ANO2: variants seen among roughly 807,000 people sequenced by gnomAD.
The protein encoded by ANO2 is anoctamin 2.
A neutral mutation model predicts 124.2 loss-of-function variants in ANO2; 101 were observed. That is an observed-to-expected ratio of 0.81 (90% CI 0.69 to 0.96). The LOEUF (loss-of-function observed/expected upper bound fraction) is 0.96. ANO2 is among the 40% of genes least tolerant of loss of function. The pLI, the probability that ANO2 is intolerant of heterozygous loss-of-function variation, is 0.00. For missense variants in ANO2, 1,293 were observed against 1,274.5 expected (o/e 1.01, Z -0.22); for synonymous variants, 486 against 482.5 (o/e 1.01, Z -0.09).
chr12:5,700,425 G>C (rs1256809955), intron 14 of ANO2, among the ~76,000 whole-genome samples: 1 of 152,122 alleles, frequency 6.6e-6, no homozygotes, highest in Non-Finnish European at 1.5e-5. Context: ...AGAATCTCTG[G>C]GAGACATTTA....
chr12:5,635,352 T>C lies in ANO2; in HGVS notation c.1621-5A>G. 6.4e-7 allele frequency: 1 copy of C among 1,552,212 alleles called. No homozygotes were observed. The highest frequency in any genetic ancestry group is 8.7e-7 in the Non-Finnish European group (1 of 1,153,492). On this transcript the variant is annotated splice_region_variant and splice_polypyrimidine_tract_variant and intron_variant, in intron 15 of 24. Coordinates refer to ENST00000682330, the MANE Select transcript of ANO2 (RefSeq NM_001364791.2). This position sits in a 1 kb window ranked among gnomAD's most constrained non-coding sequence, Gnocchi z 5.2. The stretch of plus-strand genomic sequence containing the variant: ...GATTGAGAATGTCAGGGCAATCTGT[T>C]TGGGAAAACAGAGAGAAGTACACAT...
intron 7 of ANO2, among the ~76,000 whole-genome samples, chr12:5,826,216 A>G (rs1953949595): frequency 6.6e-6 from 1 of 152,104 alleles, no homozygotes; most frequent in African/African-American, 2.4e-5. Flanking sequence ...GTATTACGTT[A>G]GGTGTAATTA....
chr12:5,619,072 C>T (rs1359276266), intron 16 of ANO2, among the ~76,000 whole-genome samples: 2 of 152,214 alleles, frequency 1.3e-5, no homozygotes, highest in Admixed American at 6.5e-5. Flanking sequence ...CACTGCACAA[C>T]TGCATGTGTA....
chr12:5,769,012 C>T lies in ANO2; in HGVS notation c.1056-18042G>A, dbSNP rs1056386271. ...AAGAGGGCTGGGCTCGGGATGGCAG[C>T]GCTGTGGAAGCTGGGCTTAGCTTAT... On this transcript the variant is annotated intron_variant, in intron 10 of 24. Transcript: ENST00000682330. The surrounding 1 kb of genome is among the most constrained non-coding windows in gnomAD (Gnocchi z 4.0). Among the ~76,000 whole-genome samples the T allele has an allele frequency of 2.0e-5, 3 of 152,112 alleles. No homozygotes were observed. Among genetic ancestry groups the T allele is most frequent in the East Asian group, 1.9e-4 (1 of 5,188 alleles).
intron 19 of ANO2, 132 bp downstream of exon 19, chr12:5,612,524 G>A: frequency 2.7e-6 from 2 of 743,852 alleles, no homozygotes; most frequent in South Asian, 1.8e-5. Flanking sequence ...AAAGTTATTG[G>A]CAAATTGACA....
intron 3 of ANO2, among the ~76,000 whole-genome samples, chr12:5,897,154 A>T (rs1939847353): frequency 6.6e-6 from 1 of 152,148 alleles, no homozygotes. Context: ...AGAAAAAAAT[A>T]AATAAAAAAG....
chr12:5,653,661 C>G (rs988159030), intron 14 of ANO2, among the ~76,000 whole-genome samples: 16 of 152,174 alleles, frequency 1.1e-4, no homozygotes, highest in African/African-American at 3.9e-4. Context: ...ATGCTAGCAC[C>G]AGGCACTAGG....
intron 10 of ANO2, among the ~76,000 whole-genome samples, chr12:5,757,507 A>T (rs962516608): frequency 2.6e-5 from 4 of 152,214 alleles, no homozygotes; most frequent in African/African-American, 9.6e-5. Flanking sequence ...CGTAAAACAC[A>T]AGAGGGAAAT....
At chr12:5,654,931 C>G (rs571651110) in intron 14 of ANO2, among the ~76,000 whole-genome samples, 3 of 152,248 alleles carry the variant, frequency 2.0e-5, no homozygotes, top group South Asian at 4.1e-4. Flanking sequence ...TCCTGAGTGC[C>G]ACTTAAAAAA....
At chr12:5,938,120 A>G (rs966442698) in intron 1 of ANO2, among the ~76,000 whole-genome samples, 22 of 152,146 alleles carry the variant, frequency 1.4e-4, no homozygotes. Flanking sequence ...AGGGTCCCCA[A>G]AGAGCCCTCT....
Position 5,578,043 on chromosome 12 carries a change from C to T in ANO2, c.2387-36G>A, listed in dbSNP as rs762533156. On this transcript the variant is annotated intron_variant, in intron 21 of 24. Transcript: ENST00000682330. ...GAAAAGACAGCGTCTGGCTCACTCCCGCCCTCGGCCCAGTGATGACAACGC... is the reference window on the plus strand; with the variant it reads ...GAAAAGACAGCGTCTGGCTCACTCCTGCCCTCGGCCCAGTGATGACAACGC... 4.8e-5 allele frequency: 77 copies of T among 1,603,382 alleles called. 1 individual carries two copies. The highest frequency in any genetic ancestry group is 6.2e-5 in the Non-Finnish European group (73 of 1,172,560).
At chr12:5,823,381 A>G (rs111918109) in intron 7 of ANO2, among the ~76,000 whole-genome samples, 6,543 of 152,336 alleles carry the variant, frequency 0.043, 307 homozygotes, top group African/African-American at 0.12. Flanking sequence ...GGGTACAGGT[A>G]TTTGGTAAAT....
intron 10 of ANO2, among the ~76,000 whole-genome samples, chr12:5,796,958 G>A (rs1288082976): frequency 6.6e-6 from 1 of 152,218 alleles, no homozygotes; most frequent in East Asian, 1.9e-4. Flanking sequence ...TCCAGAGGAG[G>A]AACAGAAGCT....
At chr12:5,719,204 A>T (rs1950129692) in intron 14 of ANO2, among the ~76,000 whole-genome samples, 2 of 152,140 alleles carry the variant, frequency 1.3e-5, no homozygotes, top group South Asian at 4.1e-4. Context: ...CAGCGCCTTC[A>T]CTTCTTTGCC....
At chr12:5,597,067 C>T (rs934379132) in intron 20 of ANO2, among the ~76,000 whole-genome samples, 15 of 152,132 alleles carry the variant, frequency 9.9e-5, no homozygotes, top group African/African-American at 3.6e-4. Context: ...AGGGTCTCTG[C>T]TCCTCTTTGT....
intron 3 of ANO2, among the ~76,000 whole-genome samples, chr12:5,910,273 G>A (rs1940964405): frequency 6.6e-6 from 1 of 152,162 alleles, no homozygotes; most frequent in Admixed American, 6.5e-5. Flanking sequence ...TCTGCCTCCT[G>A]GGTTCCAGCG....
upstream of ANO2, chr12:5,946,154 C>T: frequency 6.2e-7 from 1 of 1,613,914 alleles, no homozygotes; most frequent in Non-Finnish European, 8.5e-7. This position sits in a 1 kb window ranked among gnomAD's most constrained non-coding sequence, Gnocchi z 4.1. Context: ...CACTGACCTT[C>T]AGGCATGAAG....
chr12:5,624,287 A>G (rs1228294443), intron 16 of ANO2, among the ~76,000 whole-genome samples: 1 of 152,102 alleles, frequency 6.6e-6, no homozygotes, highest in Non-Finnish European at 1.5e-5. Context: ...AGACAGAGAG[A>G]CAGACAGACA....
chr12:5,744,480 G>C (rs1408885938), intron 11 of ANO2, among the ~76,000 whole-genome samples, 163 bp from the exon 12 acceptor site: 3 of 152,230 alleles, frequency 2.0e-5, no homozygotes, highest in Non-Finnish European at 4.4e-5. Flanking sequence ...TTCACCTGGA[G>C]AGTGTTACTC....
Sources: gnomAD v4.1 joint callset for allele counts (sites outside exome capture counted in the v4.1 genomes callset) on GRCh38, gnomAD v4.1.1 for gene constraint, Gnocchi (gnomAD v3.1) non-coding constraint, MANE v1.5 for transcripts, NCBI Gene and HGNC (gene_info 2026-07-23, HGNC 2026-07-21) for gene names.